Variants in PCDHGB7 observed in about 807,000 individuals in gnomAD.
PCDHGB7 encodes the protein protocadherin gamma-B7.
In PCDHGB7, 37 loss-of-function variants were observed where a neutral mutation model predicts 61.4. The ratio of observed to expected loss-of-function variants is 0.60; its 90% confidence interval spans 0.46 to 0.79. PCDHGB7 has a LOEUF of 0.79. PCDHGB7 is among the 30% of genes least tolerant of loss of function. The pLI, the probability that PCDHGB7 is intolerant of heterozygous loss-of-function variation, is 0.00. For missense variants in PCDHGB7, 1,166 were observed against 1,202.5 expected (o/e 0.97, Z 0.45); for synonymous variants, 464 against 503.5 (o/e 0.92, Z 1.05).
Position 141,450,830 on chromosome 5 carries a change from T to TTA in PCDHGB7, c.2415+30557_2415+30558insAT, listed in dbSNP as rs200967731. 4.3e-3 allele frequency among the ~76,000 whole-genome samples: 438 copies of TTA among 101,540 alleles called. 3 individuals carry two copies. Among genetic ancestry groups the TTA allele is most frequent in the African/African-American group, 0.015 (349 of 23,046 alleles). 66.6% of individuals were successfully genotyped at this position (101,540 alleles called of 152,430 possible). ...TATTTATTTAATATTATTATTATTA[T>TTA]TTTTTTTTTTTTGAGATGGGGTCTT... On this transcript the variant is annotated intron_variant, in intron 1 of 3. Transcript: ENST00000398594.
At chr5:141,478,305 C>G in intron 1 of PCDHGB7, 1 of 1,614,092 alleles carries the variant, frequency 6.2e-7, no homozygotes, top group Non-Finnish European at 8.5e-7. Context: ...TACCGAGCCC[C>G]GGTGAGCTCA....
chr5:141,418,157 A>G lies in PCDHGB7; in HGVS notation c.298A>G (p.Arg100Gly). The change falls in exon 1 of 4, where the codon AGA becomes GGA. Residue 100 changes from arginine to glycine, a missense_variant. Transcript: ENST00000398594. Reference protein sequence around the residue: ...IDREQICKERRRCELQLEAVV... With the variant: ...IDREQICKERGRCELQLEAVV... ...CCGTGAGCAAATATGCAAAGAGAGA[A>G]GAAGATGTGAGTTGCAATTGGAAGC... 1 of 1,614,074 alleles carries G rather than the reference A, an allele frequency of 6.2e-7. No individual in the cohort carries two copies. Among genetic ancestry groups the G allele is most frequent in the Non-Finnish European group, 8.5e-7 (1 of 1,179,906 alleles).
chr5:141,467,693 G>A lies in PCDHGB7; in HGVS notation c.2416-27114G>A, dbSNP rs543886467. Among the ~76,000 whole-genome samples the A allele has an allele frequency of 2.0e-4, 30 of 152,110 alleles. No individual in the cohort carries two copies. In the South Asian group the frequency reaches 5.6e-3, roughly 28 times the overall value. On this transcript the variant is annotated intron_variant, in intron 1 of 3. Transcript: ENST00000398594. ...TTTTATTTTTTTTAGACAGGGTCTGGCTCTGTTGCCCAGGCTGGAGTGTAG... is the reference window on the plus strand; with the variant it reads ...TTTTATTTTTTTTAGACAGGGTCTGACTCTGTTGCCCAGGCTGGAGTGTAG...
At position 141,432,195 on chromosome 5, in the gene PCDHGB7, C is replaced by G; in HGVS notation, c.2415+11921C>G. 1 of 1,614,206 alleles carries G rather than the reference C, an allele frequency of 6.2e-7. No individual in the cohort carries two copies. The highest frequency in any genetic ancestry group is 8.5e-7 in the Non-Finnish European group (1 of 1,180,050). On this transcript the variant is annotated intron_variant, in intron 1 of 3. Transcript: ENST00000398594. The surrounding 1 kb of genome is among the most constrained non-coding windows in gnomAD (Gnocchi z 6.0). ...CTCGTCTCTGTGACCGCCCACGACC[C>G]CGACTGTGAAGAGAACGCCCAGATC...
intron 1 of PCDHGB7, chr5:141,478,760 C>T (rs1472984737): frequency 1.5e-5 from 23 of 1,510,888 alleles, no homozygotes; most frequent in Non-Finnish European, 1.9e-5. Context: ...GGGGAAGATA[C>T]TTGACTCATC....
intron 1 of PCDHGB7, among the ~76,000 whole-genome samples, chr5:141,494,568 C>T (rs2099755322): frequency 6.6e-6 from 1 of 152,138 alleles, no homozygotes; most frequent in African/African-American, 2.4e-5. Context: ...GGAAAGGAGT[C>T]TCAGCTTGCT....
chr5:141,423,234 C>T, intron 1 of PCDHGB7: 1 of 1,613,918 alleles, frequency 6.2e-7, no homozygotes, highest in South Asian at 1.1e-5. Context: ...CCGACAGCAT[C>T]CCCGAAGTCC....
chr5:141,441,752 C>T, intron 1 of PCDHGB7: 2 of 378,086 alleles, frequency 5.3e-6, no homozygotes, highest in Non-Finnish European at 1.1e-5. Context: ...TCGGCGTCAA[C>T]GTGAGCCTGC....
At position 141,485,379 on chromosome 5, in the gene PCDHGB7, A is replaced by G. The variant is rs749607481; in HGVS notation, c.2416-9428A>G. 12 of 1,613,934 alleles carry G rather than the reference A, an allele frequency of 7.4e-6. No homozygotes were observed. In the Admixed American group the frequency reaches 1.8e-4, roughly 25 times the overall value. The stretch of plus-strand genomic sequence containing the variant: ...GCTCGCAGGCTGCAGGTCGCTGGAG[A>G]GGTGAACCAAAGACACTTCCGTGTG... On this transcript the variant is annotated intron_variant, in intron 1 of 3. Coordinates refer to ENST00000398594, the MANE Select transcript of PCDHGB7 (RefSeq NM_018927.4). This position sits in a 1 kb window ranked among gnomAD's most constrained non-coding sequence, Gnocchi z 5.7.
intron 1 of PCDHGB7, chr5:141,423,023 C>G (rs1410040994): frequency 6.2e-7 from 1 of 1,614,222 alleles, no homozygotes; most frequent in Non-Finnish European, 8.5e-7. Context: ...GACAAAGATT[C>G]AGGCCAGAAC....
chr5:141,510,791 A>C (rs1244085822), intron 3 of PCDHGB7, 156 bp from the exon 4 acceptor site: 1 of 929,250 alleles, frequency 1.1e-6, no homozygotes, highest in Non-Finnish European at 1.3e-6. Context: ...AACTCTTGTG[A>C]AGAGAGACTA....
chr5:141,417,943 G>A lies in PCDHGB7; in HGVS notation c.84G>A (p.Thr28=), dbSNP rs772925118. Residue 28 remains threonine, a synonymous_variant, in exon 1 of 4, where the codon ACG becomes ACA. Coordinates refer to ENST00000398594, the MANE Select transcript of PCDHGB7 (RefSeq NM_018927.4). The part of the protein sequence containing the change: ...FPLLLPLFYP[T]LCEPIRYSIP... Reference sequence around the variant, plus strand: ...TGCTGCTGCCTTTGTTCTACCCCACGCTGTGTGAGCCGATCCGCTACTCGA... The same window carrying A: ...TGCTGCTGCCTTTGTTCTACCCCACACTGTGTGAGCCGATCCGCTACTCGA... 2 of 1,613,194 alleles carry A rather than the reference G, an allele frequency of 1.2e-6. No homozygotes were observed. Among genetic ancestry groups the A allele is most frequent in the Admixed American group, 1.7e-5 (1 of 59,846 alleles).
intron 1 of PCDHGB7, chr5:141,427,807 A>C (rs1443881781): frequency 6.6e-7 from 1 of 1,522,050 alleles, no homozygotes; most frequent in South Asian, 1.1e-5. Flanking sequence ...GTGAGCGCAC[A>C]GAGCGGGGTG....
At chr5:141,450,998 T>C (rs2098703513) in intron 1 of PCDHGB7, among the ~76,000 whole-genome samples, 1 of 151,696 alleles carries the variant, frequency 6.6e-6, no homozygotes, top group Non-Finnish European at 1.5e-5. Flanking sequence ...CTAATTTTTT[T>C]GTATTTTTTT....
rs769909773 is a variant in PCDHGB7 at position 141,476,732 on chromosome 5, C to T, written c.2416-18075C>T. The T allele has an allele frequency of 8.7e-6, 14 of 1,614,096 alleles. No homozygotes were observed. Among genetic ancestry groups the T allele is most frequent in the Non-Finnish European group, 1.1e-5 (13 of 1,180,030 alleles). ...GTTGGAGCGCGCCCTGGACCGAGAA[C>T]GGGAGCCTAGTCTCCAGTTAGTGCT... is the stretch of plus-strand genomic sequence containing the variant. On this transcript the variant is annotated intron_variant, in intron 1 of 3. Coordinates refer to ENST00000398594, the MANE Select transcript of PCDHGB7 (RefSeq NM_018927.4). The surrounding 1 kb of genome is among the most constrained non-coding windows in gnomAD (Gnocchi z 7.6).
chr5:141,489,229 G>A lies in PCDHGB7; in HGVS notation c.2416-5578G>A, dbSNP rs1188849525. 5.9e-6 allele frequency: 9 copies of A among 1,522,134 alleles called. No homozygotes were observed. In the Admixed American group the frequency reaches 6.4e-5, roughly 11 times the overall value. 94.3% of individuals were successfully genotyped at this position (1,522,134 alleles called of 1,614,324 possible). On this transcript the variant is annotated intron_variant, in intron 1 of 3. Transcript: ENST00000398594. The surrounding 1 kb of genome is among the most constrained non-coding windows in gnomAD (Gnocchi z 4.5). The stretch of plus-strand genomic sequence containing the variant: ...AGCACAGACTTACTCTCCACAAAGG[G>A]ACTTCTGGGTCATGGGGCCCAAGAC...
chr5:141,435,104 G>A (rs1009839042), intron 1 of PCDHGB7, among the ~76,000 whole-genome samples: 1 of 151,968 alleles, frequency 6.6e-6, no homozygotes, highest in Non-Finnish European at 1.5e-5. Flanking sequence ...TTATCTAGGG[G>A]GGAGAAATCT....
chr5:141,478,903 C>T lies in PCDHGB7; in HGVS notation c.2416-15904C>T. On this transcript the variant is annotated intron_variant, in intron 1 of 3. Transcript: ENST00000398594. Reference sequence around the variant, plus strand: ...TGGTATCATTTACATTAGGAATAAGCTGCTGGATACCTCTAACCAGTGGCA... The same window carrying T: ...TGGTATCATTTACATTAGGAATAAGTTGCTGGATACCTCTAACCAGTGGCA... 4.2e-6 allele frequency: 4 copies of T among 957,824 alleles called. No homozygotes were observed. The South Asian group carries it at 7.3e-5, about 18-fold the overall frequency. 59.3% of individuals were successfully genotyped at this position (957,824 alleles called of 1,614,324 possible). A position where few individuals can be genotyped will look rare whatever the true frequency, so the allele number is the denominator to read the frequency against.
At chr5:141,466,143 C>T (rs2099117622) in intron 1 of PCDHGB7, among the ~76,000 whole-genome samples, 1 of 151,816 alleles carries the variant, frequency 6.6e-6, no homozygotes, top group Admixed American at 6.6e-5. Flanking sequence ...CAAGTGAAAA[C>T]TCTGGTCTTA....
Sources: allele counts gnomAD v4.1 joint callset (sites outside exome capture counted in the v4.1 genomes callset), GRCh38; gene constraint gnomAD v4.1.1; non-coding constraint Gnocchi (gnomAD v3.1); transcripts MANE v1.5; gene names NCBI Gene and HGNC (gene_info 2026-07-23, HGNC 2026-07-21).